Variants in SESN2 observed in about 807,000 individuals in gnomAD.
SESN2 encodes the protein sestrin 2.
In SESN2, 42 loss-of-function variants were observed where a neutral mutation model predicts 56.0. The observed-to-expected ratio is 0.75, with a 90% CI of 0.59 to 0.97. The LOEUF is 0.97. Ranked by LOEUF, SESN2 falls within the 50% of genes least tolerant of loss-of-function variation. The pLI is 0.00. For missense variants in SESN2, 507 were observed against 649.4 expected, an observed-to-expected ratio of 0.78 and a Z score of 2.38; for synonymous variants, 264 against 267.1, an observed-to-expected ratio of 0.99 and a Z score of 0.11.
rs569548647 is a variant in SESN2, at chr1:28,274,869, T to G, written c.1065T>G (p.Leu355=). ...EDHGYSLIQR[L]YPEGGQLLDE... is the part of the protein sequence containing the mutation. Reference sequence around the variant, plus strand: ...ATGGCTACTCGCTGATCCAGCGGCTTTACCCTGAGGGTGGGCAGCTGCTGG... The same window carrying G: ...ATGGCTACTCGCTGATCCAGCGGCTGTACCCTGAGGGTGGGCAGCTGCTGG... The change falls in exon 8 of 10, where the codon CTT becomes CTG. Residue 355 remains leucine, a synonymous_variant. Coordinates refer to ENST00000253063, the MANE Select transcript of SESN2 (RefSeq NM_031459.5). 2.5e-6 allele frequency: 4 copies of G among 1,614,158 alleles called. No individual in the cohort carries two copies. In the South Asian group the frequency reaches 3.3e-5, roughly 13 times the overall value.
chr1:28,260,355 C>A (rs1407342067), intron 1 of SESN2, among the ~76,000 whole-genome samples: 1 of 152,138 alleles, frequency 6.6e-6, no homozygotes, highest in African/African-American at 2.4e-5. Flanking sequence ...TCCGCGGAGT[C>A]CCTTCCTCTT....
At chr1:28,262,129 G>A (rs1405914523) in intron 1 of SESN2, among the ~76,000 whole-genome samples, 5 of 152,052 alleles carry the variant, frequency 3.3e-5, no homozygotes, top group African/African-American at 1.2e-4. Context: ...GAGGACCTTC[G>A]GACGGTTTCT....
chr1:28,262,916 A>C (rs1647431275), intron 1 of SESN2, among the ~76,000 whole-genome samples: 1 of 152,198 alleles, frequency 6.6e-6, no homozygotes, highest in South Asian at 2.1e-4. Flanking sequence ...TGACAGAGTG[A>C]GACTCCGTCT....
In SESN2 at chr1:28,272,062, A is replaced by G. The variant is rs187528906; in HGVS notation, c.354+191A>G. On this transcript the variant is annotated intron_variant, in intron 3 of 9. Coordinates refer to ENST00000253063, the MANE Select transcript of SESN2 (RefSeq NM_031459.5). The stretch of plus-strand genomic sequence containing the variant: ...AAGGAAAATTTTAGGTTTTGAAGAA[A>G]GGCATCGTTAGTGCTTGTGTTAGGT... Among the ~76,000 whole-genome samples, 212 of 152,318 alleles carry G rather than the reference A, an allele frequency of 1.4e-3. 1 individual carries two copies. The highest frequency in any genetic ancestry group is 3.4e-3 in the Middle Eastern group (1 of 294).
In SESN2 at chr1:28,269,392, G is replaced by A. The variant is rs553272798; in HGVS notation, c.156+144G>A. The A allele has an allele frequency of 1.9e-5, 10 of 521,946 alleles. No homozygotes were observed. The South Asian group carries it at 2.1e-4, about 11-fold the overall frequency. 32.3% of individuals were successfully genotyped at this position (521,946 alleles called of 1,614,324 possible). ...TTCTGATTCATTTAATTCACAAAAC[G>A]GCTTTGTGAAGCAGGCACTGTCAAC... On this transcript the variant is annotated intron_variant, in intron 2 of 9. Transcript: ENST00000253063.
rs1363826827 is a variant in SESN2, at chr1:28,259,916, C to T, written c.69C>T (p.Val23=). 4 of 1,479,116 alleles carry T rather than the reference C, an allele frequency of 2.7e-6. No homozygotes were observed. The highest frequency in any genetic ancestry group is 2.5e-5 in the South Asian group (2 of 78,618). 91.6% of individuals were successfully genotyped at this position (1,479,116 alleles called of 1,614,324 possible). A position where few individuals can be genotyped will look rare whatever the true frequency, so the allele number is the denominator to read the frequency against. ...KDYLRFAPGG[V]GDSGPGEEQR... ...ACCTGCGGTTCGCCCCGGGCGGCGTCGGCGACTCGGGCCCCGGAGAGGTAA... is the reference window on the plus strand; with the variant it reads ...ACCTGCGGTTCGCCCCGGGCGGCGTTGGCGACTCGGGCCCCGGAGAGGTAA... Residue 23 remains valine, a synonymous_variant, in exon 1 of 10, where the codon GTC becomes GTT. Transcript: ENST00000253063.
At chr1:28,274,713 G>A (rs1000670872) in intron 7 of SESN2, 112 bp from the exon 8 acceptor site, 4 of 852,198 alleles carry the variant, frequency 4.7e-6, no homozygotes, top group African/African-American at 3.4e-5. Flanking sequence ...CAGCACGTTA[G>A]GTTTATGGCA....
At chr1:28,269,556 CTA>C (rs1647683470) in intron 2 of SESN2, among the ~76,000 whole-genome samples, 3 of 151,856 alleles carry the variant, frequency 2.0e-5, no homozygotes, top group Non-Finnish European at 4.4e-5. Flanking sequence ...ATAGAACTAT[CTA>C]TCTCATCCAT....
At position 28,272,807 on chromosome 1, in the gene SESN2, C is replaced by A; in HGVS notation, c.750+14C>A. The A allele has an allele frequency of 2.6e-6, 4 of 1,529,674 alleles. No individual in the cohort carries two copies. The highest frequency in any genetic ancestry group is 3.6e-6 in the Non-Finnish European group (4 of 1,119,568). 94.8% of individuals were successfully genotyped at this position (1,529,674 alleles called of 1,614,324 possible). A position where few individuals can be genotyped will look rare whatever the true frequency, so the allele number is the denominator to read the frequency against. On this transcript the variant is annotated intron_variant, in intron 5 of 9. Transcript: ENST00000253063. Reference sequence around the variant, plus strand: ...AACAACTCTGGGGTAAGTCACGGGCCTGGGTCTTGATCGGGGAGGAAGCGG... The same window carrying A: ...AACAACTCTGGGGTAAGTCACGGGCATGGGTCTTGATCGGGGAGGAAGCGG...
intron 8 of SESN2, among the ~76,000 whole-genome samples, chr1:28,276,686 T>C (rs1014992068): frequency 1.2e-4 from 18 of 147,202 alleles, no homozygotes; most frequent in Non-Finnish European, 1.8e-4. Flanking sequence ...TTCGAGGGAT[T>C]CTCCCGCCTC....
intron 1 of SESN2, among the ~76,000 whole-genome samples, chr1:28,260,345 T>TC (rs1218743057): frequency 6.6e-6 from 1 of 151,966 alleles, no homozygotes; most frequent in Non-Finnish European, 1.5e-5. Context: ...CCCGCCCCCT[T>TC]CCGCGGAGTC....
chr1:28,271,330 CTG>C (rs1647768629), intron 2 of SESN2, among the ~76,000 whole-genome samples: 1 of 152,198 alleles, frequency 6.6e-6, no homozygotes, highest in Admixed American at 6.5e-5. Context: ...GGAGGAGAAA[CTG>C]TACTTTTACT....
intron 1 of SESN2, among the ~76,000 whole-genome samples, chr1:28,268,219 AG>A (rs1289167012): frequency 6.6e-6 from 1 of 152,034 alleles, no homozygotes; most frequent in Non-Finnish European, 1.5e-5. Context: ...TCCAGACAAG[AG>A]GGGGTGGTAG....
chr1:28,267,491 A>G (rs1647597313), intron 1 of SESN2, among the ~76,000 whole-genome samples: 1 of 152,090 alleles, frequency 6.6e-6, no homozygotes. Context: ...GGAAGGTTCA[A>G]TTATAGTTTT....
chr1:28,278,173 C>T (rs1166750046), intron 8 of SESN2, among the ~76,000 whole-genome samples: 1 of 152,224 alleles, frequency 6.6e-6, no homozygotes, highest in East Asian at 1.9e-4. Flanking sequence ...CCTTTTTACC[C>T]TTATCCTCTT....
At chr1:28,265,545 C>T (rs551917997) in intron 1 of SESN2, among the ~76,000 whole-genome samples, 9 of 152,284 alleles carry the variant, frequency 5.9e-5, no homozygotes, top group African/African-American at 2.2e-4. Context: ...AGGCATGCAC[C>T]ACCATGCCTG....
Position 28,259,648 on chromosome 1 carries a change from C to T in SESN2, c.-200C>T. 4.5e-6 allele frequency: 2 copies of T among 447,318 alleles called. No individual in the cohort carries two copies. The highest frequency in any genetic ancestry group is 4.7e-5 in the South Asian group (1 of 21,434). 27.7% of individuals were successfully genotyped at this position (447,318 alleles called of 1,614,324 possible). A position where few individuals can be genotyped will look rare whatever the true frequency, so the allele number is the denominator to read the frequency against. On this transcript the variant is annotated 5_prime_UTR_variant, in exon 1 of 10. Coordinates refer to ENST00000253063, the MANE Select transcript of SESN2 (RefSeq NM_031459.5). ...CAGGCCCCCGAGGCCGTTCGCCGTT[C>T]CCGAAGCCCGACTGGGGGAAGAGTC... is the stretch of plus-strand genomic sequence containing the variant.
At chr1:28,273,924 G>A (rs1444946563) in intron 6 of SESN2, 116 bp from the exon 7 acceptor site, 16 of 728,626 alleles carry the variant, frequency 2.2e-5, no homozygotes, top group Non-Finnish European at 3.6e-5. Context: ...ACTATAGCAA[G>A]GGGCTTTTTT....
intron 7 of SESN2, 103 bp from the exon 8 acceptor site, chr1:28,274,722 C>A (rs1647960769): frequency 2.2e-6 from 2 of 915,202 alleles, no homozygotes; most frequent in Non-Finnish European, 3.4e-6. Flanking sequence ...AGGTTTATGG[C>A]ACCAGGAAGG....
Sources: gnomAD v4.1 joint callset for allele counts (sites outside exome capture counted in the v4.1 genomes callset) on GRCh38, gnomAD v4.1.1 for gene constraint, MANE v1.5 for transcripts, NCBI Gene and HGNC (gene_info 2026-07-23, HGNC 2026-07-21) for gene names.